SIDT1: variants seen among roughly 807,000 people sequenced by gnomAD.
SIDT1 encodes SID1 transmembrane family, member 1.
Under a neutral mutation model 107.5 loss-of-function variants are expected in SIDT1, and 101 were observed. The observed-to-expected ratio is 0.94, with a 90% CI of 0.80 to 1.11. The LOEUF (loss-of-function observed/expected upper bound fraction) is 1.11, where lower values mean the gene tolerates loss of function less well. Ranked by LOEUF, SIDT1 falls within the 50% of genes least tolerant of loss-of-function variation. SIDT1 has a pLI of 0.00. For synonymous variants in SIDT1, 395 were observed against 398.2 expected, an observed-to-expected ratio of 0.99 and a Z score of 0.10; for missense variants, 1,076 against 1,058.2, an observed-to-expected ratio of 1.02 and a Z score of -0.23.
At chr3:113,598,635 C>A (rs982743495) in intron 10 of SIDT1, among the ~76,000 whole-genome samples, 11 of 152,168 alleles carry the variant, frequency 7.2e-5, no homozygotes, top group South Asian at 2.1e-4. Context: ...AGTGACTGGG[C>A]AAATTACTTG....
intron 9 of SIDT1, chr3:113,592,734 C>G: frequency 2.7e-6 from 1 of 372,984 alleles, no homozygotes. Context: ...ACTACAGGCA[C>G]CTGCCATCAC....
chr3:113,622,717 A>G (rs1946549698), intron 21 of SIDT1, among the ~76,000 whole-genome samples: 1 of 152,176 alleles, frequency 6.6e-6, no homozygotes, highest in Non-Finnish European at 1.5e-5. Flanking sequence ...CATAAGCTCA[A>G]TGTCTGAAAG....
chr3:113,631,329 C>G (rs371405631), downstream of SIDT1, among the ~76,000 whole-genome samples: 11 of 152,264 alleles, frequency 7.2e-5, no homozygotes, highest in African/African-American at 2.6e-4. Context: ...AACGCTTCAG[C>G]CTGCAGGTGA....
At chr3:113,580,541 C>T in intron 4 of SIDT1, 67 bp from the exon 5 acceptor site, 1 of 977,552 alleles carries the variant, frequency 1.0e-6, no homozygotes, top group Non-Finnish European at 1.6e-6. Context: ...AATTTTGTGC[C>T]TAATAGTAGA....
chr3:113,589,739 G>A (rs1944007632), intron 9 of SIDT1: 1 of 152,334 alleles, frequency 6.6e-6, no homozygotes, highest in Non-Finnish European at 1.5e-5. Flanking sequence ...TCACCATATT[G>A]GTCAGACTGG....
At chr3:113,615,041 T>G in intron 19 of SIDT1, 1 of 1,535,662 alleles carries the variant, frequency 6.5e-7, no homozygotes, top group Non-Finnish European at 8.7e-7. Context: ...TCTCCTTTCT[T>G]CTCTGCTTCC....
Position 113,591,246 on chromosome 3 carries a change from C to T in SIDT1, c.1002-1759C>T, listed in dbSNP as rs189209799. ...ACCTTTATTTTAGCCATATAAGGCACATTTTGGTATTCTGACTCCCAGAAC... is the reference window on the plus strand; with the variant it reads ...ACCTTTATTTTAGCCATATAAGGCATATTTTGGTATTCTGACTCCCAGAAC... On this transcript the variant is annotated intron_variant, in intron 9 of 24. Coordinates refer to ENST00000264852, the MANE Select transcript of SIDT1 (RefSeq NM_017699.3). Among the ~76,000 whole-genome samples, 44 of 152,280 alleles carry T rather than the reference C, an allele frequency of 2.9e-4. No individual in the cohort carries two copies. The East Asian group carries it at 3.1e-3, about 11-fold the overall frequency.
At chr3:113,543,650 T>TA (rs138162694) in intron 1 of SIDT1, among the ~76,000 whole-genome samples, 11,339 of 152,228 alleles carry the variant, frequency 0.074, 598 homozygotes, top group Non-Finnish European at 0.11. Context: ...TCAGAAAGAT[T>TA]AAAAAATCTA....
In SIDT1 at chr3:113,566,504, G is replaced by C. The variant is rs1941928655; in HGVS notation, c.307G>C (p.Val103Leu). ...TGTTGTGGTTCGCCAGCAGAAAGAG[G>C]TGCTGTCCTGGCAGGTTCCTCTGCT... is the stretch of plus-strand genomic sequence containing the variant. ...VLVVVRQQKEVLSWQVPLLFQ... is the reference protein window; with the variant it reads ...VLVVVRQQKELLSWQVPLLFQ... The change falls in exon 2 of 25, where the codon GTG (valine) becomes CTG (leucine). Residue 103 changes from valine to leucine, a missense_variant. Val to Leu is a conservative substitution (Grantham distance 32). Transcript: ENST00000264852. 6.2e-7 allele frequency: 1 copy of C among 1,614,126 alleles called. No individual in the cohort carries two copies. The highest frequency in any genetic ancestry group is 8.5e-7 in the Non-Finnish European group (1 of 1,180,002).
rs538163519 is a variant in SIDT1 at position 113,581,381 on chromosome 3, C to G, written c.684C>G (p.Asp228Glu). Residue 228 changes from aspartate (D) to glutamate (E), a missense_variant, in exon 6 of 25, where the codon GAC becomes GAG. Asp to Glu is a conservative substitution (Grantham distance 45, BLOSUM62 2). Transcript: ENST00000264852. ...TGCAGTGCCCGGTGTATGATCTCGA[C>G]CACAATGTGGAATTTAATGGTGTCT... ...QNIMCPVYDL[D>E]HNVEFNGVYQ... The G allele has an allele frequency of 1.2e-6, 2 of 1,613,468 alleles. No homozygotes were observed. Among genetic ancestry groups the G allele is most frequent in the Admixed American group, 1.7e-5 (1 of 59,936 alleles).
At chr3:113,588,319 G>T (rs1220393190) in intron 9 of SIDT1, among the ~76,000 whole-genome samples, 1 of 152,156 alleles carries the variant, frequency 6.6e-6, no homozygotes, top group African/African-American at 2.4e-5. Context: ...CTAAATAGAA[G>T]AATAGACTGA....
intron 4 of SIDT1, among the ~76,000 whole-genome samples, chr3:113,578,937 G>T (rs543224496): frequency 6.6e-6 from 1 of 152,068 alleles, no homozygotes; most frequent in Non-Finnish European, 1.5e-5. Context: ...AACAAAACAA[G>T]TTCCTTGATA....
At chr3:113,555,001 G>C (rs947152651) in intron 1 of SIDT1, among the ~76,000 whole-genome samples, 2 of 152,128 alleles carry the variant, frequency 1.3e-5, no homozygotes, top group Non-Finnish European at 2.9e-5. Flanking sequence ...CCTTCCAAAG[G>C]CTTTCTTTTG....
rs771099926 is a variant in SIDT1 at position 113,627,630 on chromosome 3, G to C, written c.2422-16G>C. On this transcript the variant is annotated splice_polypyrimidine_tract_variant and intron_variant, in intron 24 of 24. Coordinates refer to ENST00000264852, the MANE Select transcript of SIDT1 (RefSeq NM_017699.3). ...GACTGTCCATTCCTTTCATTTCTCT[G>C]TCCCTCTCACTTCAGGTTTTGTTAA... The C allele has an allele frequency of 2.5e-6, 4 of 1,613,396 alleles. No individual in the cohort carries two copies. The highest frequency in any genetic ancestry group is 3.4e-6 in the Non-Finnish European group (4 of 1,179,392).
At position 113,623,493 on chromosome 3, in the gene SIDT1, T is replaced by C; in HGVS notation, c.2157T>C (p.Cys719=). 6.2e-7 allele frequency: 1 copy of C among 1,614,118 alleles called. No homozygotes were observed. Among genetic ancestry groups the C allele is most frequent in the Non-Finnish European group, 8.5e-7 (1 of 1,179,990 alleles). The change falls in exon 22 of 25, where the codon TGT becomes TGC. Residue 719 remains cysteine, a synonymous_variant. Transcript: ENST00000264852. ...CCTACATGCTGGGCATCTTCATCTG[T>C]AACCTTTTGCTGTACCTGGCCTTTT... ...FASYMLGIFI[C]NLLLYLAFYI...
At chr3:113,580,064 T>C (rs1417319896) in intron 4 of SIDT1, among the ~76,000 whole-genome samples, 1 of 152,230 alleles carries the variant, frequency 6.6e-6, no homozygotes, top group African/African-American at 2.4e-5. Flanking sequence ...TTTGAATCTC[T>C]GTATGTTCTC....
intron 19 of SIDT1, 90 bp from the exon 20 acceptor site, chr3:113,616,010 A>T: frequency 1.2e-6 from 1 of 846,280 alleles, no homozygotes; most frequent in Non-Finnish European, 2.1e-6. Context: ...TGAGGATGAC[A>T]TCATTCTGGC....
At chr3:113,552,452 G>T (rs1433929284) in intron 1 of SIDT1, among the ~76,000 whole-genome samples, 1 of 152,164 alleles carries the variant, frequency 6.6e-6, no homozygotes, top group Admixed American at 6.5e-5. Context: ...TCGTGCAAGG[G>T]TCTTAGCTAC....
At chr3:113,546,355 T>C (rs1346520954) in intron 1 of SIDT1, among the ~76,000 whole-genome samples, 1 of 152,144 alleles carries the variant, frequency 6.6e-6, no homozygotes, top group Non-Finnish European at 1.5e-5. Flanking sequence ...AAAATTTTAC[T>C]GTTGCTTTAA....
Sources: gnomAD v4.1 joint callset for allele counts (sites outside exome capture counted in the v4.1 genomes callset) on GRCh38, gnomAD v4.1.1 for gene constraint, MANE v1.5 for transcripts, NCBI Gene and HGNC (gene_info 2026-07-23, HGNC 2026-07-21) for gene names.